ANXA4: variants seen among roughly 807,000 people sequenced by gnomAD.
The protein encoded by ANXA4 is annexin A4, also known as 35-beta calcimedin.
A neutral mutation model predicts 49.8 loss-of-function variants in ANXA4; 39 were observed. That is an observed-to-expected ratio of 0.78 (90% CI 0.61 to 1.02). ANXA4 has a LOEUF of 1.02. ANXA4 is among the 50% of genes least tolerant of loss of function. The pLI is 0.00. For synonymous variants in ANXA4, 134 were observed against 152.5 expected, an observed-to-expected ratio of 0.88 and a Z score of 0.89; for missense variants, 360 against 410.1, an observed-to-expected ratio of 0.88 and a Z score of 1.05.
intron 1 of ANXA4, among the ~76,000 whole-genome samples, chr2:69,767,907 C>T (rs1671556612): frequency 6.6e-6 from 1 of 151,976 alleles, no homozygotes; most frequent in Non-Finnish European, 1.5e-5. Flanking sequence ...TAATTATACG[C>T]ATATGTACAT....
rs112569245 is a variant in ANXA4, at chr2:69,812,444, C to T, written c.478-209C>T. Among the ~76,000 whole-genome samples, 385 of 152,232 alleles carry T rather than the reference C, an allele frequency of 2.5e-3. 1 individual carries two copies. Among genetic ancestry groups the T allele is most frequent in the African/African-American group, 8.3e-3 (345 of 41,528 alleles). On this transcript the variant is annotated intron_variant, in intron 7 of 12. Transcript: ENST00000394295. Reference sequence around the variant, plus strand: ...AGAGGCACTCATGCAACGTTAGGGGCCACACTGAGGCTCAGCCCTCTAGGC... The same window carrying T: ...AGAGGCACTCATGCAACGTTAGGGGTCACACTGAGGCTCAGCCCTCTAGGC...
At chr2:69,770,575 C>T (rs1044515332) in intron 1 of ANXA4, among the ~76,000 whole-genome samples, 5 of 152,054 alleles carry the variant, frequency 3.3e-5, no homozygotes, top group Non-Finnish European at 5.9e-5. Flanking sequence ...GAATGGAGGC[C>T]GCCAAGTTGT....
intron 8 of ANXA4, 76 bp downstream of exon 8, chr2:69,812,785 C>T: frequency 8.0e-7 from 1 of 1,253,994 alleles, no homozygotes; most frequent in Non-Finnish European, 1.2e-6. Flanking sequence ...GGGTGGATAG[C>T]AACTTATATT....
intron 3 of ANXA4, among the ~76,000 whole-genome samples, chr2:69,798,401 A>G (rs1049512305): frequency 6.6e-5 from 10 of 152,236 alleles, no homozygotes; most frequent in African/African-American, 2.4e-4. Context: ...GAGGAAAATA[A>G]GATTTGCAAT....
chr2:69,719,222 C>G (rs1431199819), intron 2 of ANXA4, among the ~76,000 whole-genome samples: 1 of 148,516 alleles, frequency 6.7e-6, no homozygotes, highest in East Asian at 2.0e-4. Flanking sequence ...GCCACACCCC[C>G]ATTTTTACAG....
chr2:69,654,990 C>G (rs946845273), intron 2 of ANXA4, among the ~76,000 whole-genome samples: 9 of 152,150 alleles, frequency 5.9e-5, no homozygotes, highest in African/African-American at 1.9e-4. Context: ...AAAACAGAAA[C>G]TGGACCCCTT....
At chr2:69,679,874 C>G (rs774790379) in intron 2 of ANXA4, among the ~76,000 whole-genome samples, 1 of 152,124 alleles carries the variant, frequency 6.6e-6, no homozygotes, top group Non-Finnish European at 1.5e-5. Flanking sequence ...TGTTTTTATA[C>G]CAATACCACC....
intron 3 of ANXA4, among the ~76,000 whole-genome samples, chr2:69,799,139 A>G (rs2103778912): frequency 6.6e-6 from 1 of 152,206 alleles, no homozygotes; most frequent in South Asian, 2.1e-4. Context: ...AATTTTTTTT[A>G]TCAGCTTTTA....
At chr2:69,704,576 A>G (rs1175012585) in intron 2 of ANXA4, among the ~76,000 whole-genome samples, 1 of 152,190 alleles carries the variant, frequency 6.6e-6, no homozygotes, top group Non-Finnish European at 1.5e-5. Context: ...AACAGGGATG[A>G]AGAGTCTGTG....
chr2:69,758,142 A>T (rs560142667), intron 1 of ANXA4, among the ~76,000 whole-genome samples: 1 of 152,154 alleles, frequency 6.6e-6, no homozygotes, highest in African/African-American at 2.4e-5. Flanking sequence ...CATCCGGCAT[A>T]GCTGGGATTA....
At chr2:69,735,980 G>A (rs1573167123) in intron 3 of ANXA4, among the ~76,000 whole-genome samples, 1 of 152,064 alleles carries the variant, frequency 6.6e-6, no homozygotes, top group East Asian at 1.9e-4. Context: ...TATTTTCATG[G>A]GTTCTATTTA....
At chr2:69,712,058 CT>C (rs961908299) in intron 2 of ANXA4, among the ~76,000 whole-genome samples, 2 of 151,916 alleles carry the variant, frequency 1.3e-5, no homozygotes, top group African/African-American at 4.8e-5. Context: ...TTGGTCTCTC[CT>C]TTTCCTGGGG....
At chr2:69,679,835 C>T (rs1400963468) in intron 2 of ANXA4, among the ~76,000 whole-genome samples, 1 of 152,102 alleles carries the variant, frequency 6.6e-6, no homozygotes, top group Non-Finnish European at 1.5e-5. Context: ...GATTTACTTC[C>T]GGATTCTGTG....
At chr2:69,685,020 C>T (rs1028875120) in intron 2 of ANXA4, among the ~76,000 whole-genome samples, 1 of 152,066 alleles carries the variant, frequency 6.6e-6, no homozygotes, top group Non-Finnish European at 1.5e-5. Flanking sequence ...CAACAATCGT[C>T]AGGGATATTT....
intron 2 of ANXA4, among the ~76,000 whole-genome samples, chr2:69,670,338 G>T (rs1677125216): frequency 6.6e-6 from 1 of 151,572 alleles, no homozygotes; most frequent in Admixed American, 6.6e-5. Context: ...TACTTGGGAG[G>T]CTGAGGCAGG....
At chr2:69,661,221 CAAA>C (rs201916139) in intron 2 of ANXA4, among the ~76,000 whole-genome samples, 7 of 67,806 alleles carry the variant, frequency 1.0e-4, no homozygotes, top group Admixed American at 1.8e-4. Context: ...AAGCTTCAGA[CAAA>C]AAAAAAAAAA....
chr2:69,735,888 G>T (rs1670232355), intron 3 of ANXA4, among the ~76,000 whole-genome samples: 1 of 152,124 alleles, frequency 6.6e-6, no homozygotes, highest in Admixed American at 6.6e-5. Context: ...GGCCTTGAAG[G>T]CTTCCTAGTC....
At chr2:69,712,439 C>T (rs1347910835) in intron 2 of ANXA4, among the ~76,000 whole-genome samples, 1 of 152,156 alleles carries the variant, frequency 6.6e-6, no homozygotes, top group Non-Finnish European at 1.5e-5. Flanking sequence ...CCTATTAGGA[C>T]CTGGGCCAAG....
chr2:69,737,474 A>G (rs988060867), upstream of ANXA4, among the ~76,000 whole-genome samples: 10 of 152,040 alleles, frequency 6.6e-5, no homozygotes, highest in African/African-American at 2.2e-4. Flanking sequence ...CCTTCTGTCT[A>G]TGCATTCTAG....
Sources: allele counts gnomAD v4.1 joint callset (sites outside exome capture counted in the v4.1 genomes callset), GRCh38; gene constraint gnomAD v4.1.1; transcripts MANE v1.5; gene names NCBI Gene and HGNC (gene_info 2026-07-23, HGNC 2026-07-21).